The following PEBP4 variants were observed in gnomAD, a reference collection of about 807,000 sequenced individuals.
PEBP4 encodes phosphatidylethanolamine-binding protein 4.
In PEBP4, 22 loss-of-function variants were observed where a neutral mutation model predicts 23.9. The ratio of observed to expected loss-of-function variants is 0.92; its 90% CI spans 0.66 to 1.31. PEBP4 has a LOEUF of 1.31. Among genes scored for constraint, PEBP4 ranks in the 40% most tolerant of loss-of-function variants. The probability of loss-of-function intolerance (pLI) is 0.00; values close to 1 mark genes in which losing one functional copy is unlikely to be tolerated. For synonymous variants in PEBP4, 112 were observed against 99.3 expected (o/e 1.13, Z -0.76); for missense variants, 324 against 281.7 (o/e 1.15, Z -1.07).
chr8:22,737,905 C>G (rs1435474969), intron 4 of PEBP4, among the ~76,000 whole-genome samples: 1 of 152,092 alleles, frequency 6.6e-6, no homozygotes, highest in Non-Finnish European at 1.5e-5. Flanking sequence ...CTAGGCTGAG[C>G]TCCCGGCGGG....
intron 4 of PEBP4, among the ~76,000 whole-genome samples, chr8:22,796,994 G>T (rs922347425): frequency 6.6e-6 from 1 of 151,340 alleles, no homozygotes; most frequent in African/African-American, 2.4e-5. Flanking sequence ...GGTGGTTCAT[G>T]CCTATAATCC....
intron 4 of PEBP4, among the ~76,000 whole-genome samples, chr8:22,748,912 T>C (rs1474648076): frequency 6.6e-6 from 1 of 152,126 alleles, no homozygotes; most frequent in Non-Finnish European, 1.5e-5. Flanking sequence ...CTTGGGTACC[T>C]CTGAACTCTG....
chr8:22,860,809 C>T (rs938000649), intron 3 of PEBP4, among the ~76,000 whole-genome samples: 2 of 152,308 alleles, frequency 1.3e-5, no homozygotes, highest in East Asian at 3.9e-4. Flanking sequence ...CTCTCCTGCA[C>T]GGTCCATCCA....
At chr8:22,771,443 C>T (rs981536428) in intron 4 of PEBP4, among the ~76,000 whole-genome samples, 2 of 151,886 alleles carry the variant, frequency 1.3e-5, no homozygotes, top group Admixed American at 1.3e-4. Context: ...GAGCTGAGAT[C>T]GTGCCATTGC....
At chr8:22,780,904 A>G (rs1276305725) in intron 4 of PEBP4, among the ~76,000 whole-genome samples, 1 of 152,222 alleles carries the variant, frequency 6.6e-6, no homozygotes, top group Non-Finnish European at 1.5e-5. Context: ...AACTGCACAC[A>G]GCCTGTCTTT....
At chr8:22,929,194 C>T (rs545840807), upstream of PEBP4, among the ~76,000 whole-genome samples, 11 of 152,346 alleles carry the variant, frequency 7.2e-5, no homozygotes, top group Admixed American at 3.3e-4. Flanking sequence ...TATTCTCTCA[C>T]GGATCCATCC....
At chr8:22,743,627 A>T (rs1805047370) in intron 4 of PEBP4, among the ~76,000 whole-genome samples, 1 of 152,096 alleles carries the variant, frequency 6.6e-6, no homozygotes, top group Admixed American at 6.5e-5. Flanking sequence ...CAAAGTGAGG[A>T]ATTTAGGTCA....
chr8:22,929,692 C>A (rs373485699), upstream of PEBP4, among the ~76,000 whole-genome samples: 10 of 152,322 alleles, frequency 6.6e-5, 1 homozygote, highest in African/African-American at 2.4e-4. Flanking sequence ...CCTGTGGAAA[C>A]TGGGTTGAGT....
At chr8:22,842,821 C>A (rs1376210976) in intron 3 of PEBP4, among the ~76,000 whole-genome samples, 1 of 152,068 alleles carries the variant, frequency 6.6e-6, no homozygotes, top group Non-Finnish European at 1.5e-5. Context: ...GAACTACAGG[C>A]CCTGAATTTT....
chr8:22,760,390 C>T (rs10503719), intron 4 of PEBP4, among the ~76,000 whole-genome samples: 23,077 of 152,088 alleles, frequency 0.15, 2,018 homozygotes, highest in Middle Eastern at 0.2. Context: ...GTCTGGTAAA[C>T]GCCTCACAAG....
chr8:22,819,198 A>G (rs1163421578), intron 3 of PEBP4, among the ~76,000 whole-genome samples: 2 of 152,234 alleles, frequency 1.3e-5, no homozygotes, highest in East Asian at 3.9e-4. Context: ...AATTGAGAGG[A>G]GGGGAGAATC....
chr8:22,737,294 C>CAAAAAAAAAAA (rs11302571), intron 4 of PEBP4, among the ~76,000 whole-genome samples: 4 of 65,496 alleles, frequency 6.1e-5, no homozygotes, highest in Non-Finnish European at 6.3e-5. Flanking sequence ...GACTCCGTCT[C>CAAAAAAAAAAA]AAAAAAAAAA....
intron 1 of PEBP4, among the ~76,000 whole-genome samples, chr8:22,939,307 G>A (rs1040606616): frequency 1.3e-5 from 2 of 152,056 alleles, no homozygotes; most frequent in East Asian, 1.9e-4. Flanking sequence ...GAAAAACTGA[G>A]AGAAGATTTT....
chr8:22,862,939 T>C (rs1807811277), intron 3 of PEBP4, among the ~76,000 whole-genome samples: 1 of 151,950 alleles, frequency 6.6e-6, no homozygotes, highest in Admixed American at 6.6e-5. Flanking sequence ...TAGCTGGGAC[T>C]ACAAGCGCCC....
At chr8:22,726,488 T>C (rs1391922796) in intron 5 of PEBP4, among the ~76,000 whole-genome samples, 1 of 152,232 alleles carries the variant, frequency 6.6e-6, no homozygotes, top group African/African-American at 2.4e-5. Context: ...TGCCTCTCAC[T>C]AGGGCTTTCC....
chr8:22,897,895 T>G (rs1808621187), intron 3 of PEBP4: 1 of 151,998 alleles, frequency 6.6e-6, no homozygotes, highest in Non-Finnish European at 1.5e-5. Context: ...GTCATAAGGG[T>G]GGGGCCTTTA....
chr8:22,796,987 G>T (rs1487864569), intron 4 of PEBP4, among the ~76,000 whole-genome samples: 2 of 151,668 alleles, frequency 1.3e-5, no homozygotes, highest in Non-Finnish European at 2.9e-5. Context: ...TGGGCACGGT[G>T]GTTCATGCCT....
chr8:22,727,389 G>A (rs1304036714), intron 4 of PEBP4, among the ~76,000 whole-genome samples, 169 bp from the exon 5 acceptor site: 2 of 152,096 alleles, frequency 1.3e-5, no homozygotes, highest in East Asian at 3.9e-4. Flanking sequence ...GAGGATGTAT[G>A]GCTGCTTTTG....
intron 3 of PEBP4, among the ~76,000 whole-genome samples, chr8:22,877,559 A>G (rs1218466478): frequency 2.0e-5 from 3 of 152,174 alleles, no homozygotes; most frequent in African/African-American, 7.2e-5. Flanking sequence ...AGGTGAGGCC[A>G]GCAGCTTGTG....
Sources: gnomAD v4.1 joint callset for allele counts (sites outside exome capture counted in the v4.1 genomes callset) on GRCh38, gnomAD v4.1.1 for gene constraint, MANE v1.5 for transcripts, NCBI Gene and HGNC (gene_info 2026-07-23, HGNC 2026-07-21) for gene names.